Variants in CDH6 observed in about 807,000 individuals in gnomAD.
The protein encoded by CDH6 is cadherin-6.
In CDH6, 31 loss-of-function variants were observed where a neutral mutation model predicts 78.0. That is an observed-to-expected ratio of 0.40 (90% CI 0.30 to 0.54). The LOEUF (loss-of-function observed/expected upper bound fraction) is 0.54, where lower values mean the gene tolerates loss of function less well. CDH6 is among the 20% of genes least tolerant of loss of function. CDH6 has a pLI of 0.56. For synonymous variants in CDH6, 376 were observed against 368.8 expected (o/e 1.02, Z -0.23); for missense variants, 724 against 975.9 (o/e 0.74, Z 3.44).
intron 1 of CDH6, among the ~76,000 whole-genome samples, chr5:31,227,954 G>A (rs1379977549): frequency 2.6e-5 from 4 of 152,178 alleles, no homozygotes; most frequent in African/African-American, 9.7e-5. Context: ...CAGATTTATA[G>A]GTCAGAGGTC....
chr5:31,307,789 A>G (rs1738028129), intron 7 of CDH6, among the ~76,000 whole-genome samples: 1 of 152,156 alleles, frequency 6.6e-6, no homozygotes, highest in Admixed American at 6.5e-5. Flanking sequence ...AAAAGAGAGA[A>G]TGTTTTGCGA....
chr5:31,199,453 T>C (rs1216528056), intron 1 of CDH6, among the ~76,000 whole-genome samples: 2 of 22,714 alleles, frequency 8.8e-5, no homozygotes, highest in African/African-American at 1.9e-4. Flanking sequence ...TACACACACA[T>C]ATGTGTATAT....
chr5:31,311,697 C>G (rs550415043), intron 7 of CDH6, among the ~76,000 whole-genome samples: 1 of 152,298 alleles, frequency 6.6e-6, no homozygotes, highest in Admixed American at 6.5e-5. Context: ...AACTTGTAAT[C>G]ATGGCGAAAT....
intron 7 of CDH6, among the ~76,000 whole-genome samples, chr5:31,310,258 G>A (rs1738110026): frequency 6.6e-6 from 1 of 152,102 alleles, no homozygotes; most frequent in Non-Finnish European, 1.5e-5. Flanking sequence ...CAGCAGCGCA[G>A]TCGTTAAATC....
chr5:31,308,578 A>G (rs1561069185), intron 7 of CDH6, among the ~76,000 whole-genome samples: 1 of 152,120 alleles, frequency 6.6e-6, no homozygotes, highest in African/African-American at 2.4e-5. Flanking sequence ...TGGAAGGAAA[A>G]AACAACAAAC....
chr5:31,267,436 G>C lies in CDH6; in HGVS notation c.-38G>C. On this transcript the variant is annotated 5_prime_UTR_variant, in exon 2 of 12. Transcript: ENST00000265071. ...AGTGAAAAAGGCACTTCCAAGAGTG[G>C]GGCACTCACTACGCACAGACTCGAC... is the stretch of plus-strand genomic sequence containing the variant. The C allele has an allele frequency of 2.0e-6, 3 of 1,480,116 alleles. No individual in the cohort carries two copies. The highest frequency in any genetic ancestry group is 2.8e-6 in the Non-Finnish European group (3 of 1,058,806). The allele number at this position is 1,480,116 out of a possible 1,614,324, so 91.7% of individuals were successfully genotyped here. A position where few individuals can be genotyped will look rare whatever the true frequency, so the allele number is the denominator to read the frequency against.
chr5:31,282,586 A>G (rs1742891604), intron 2 of CDH6, among the ~76,000 whole-genome samples: 1 of 152,148 alleles, frequency 6.6e-6, no homozygotes, highest in South Asian at 2.1e-4. Flanking sequence ...TCTTTTTGCC[A>G]TGTGAGGAAA....
chr5:31,284,931 G>A (rs1405454375), intron 2 of CDH6, among the ~76,000 whole-genome samples: 1 of 152,176 alleles, frequency 6.6e-6, no homozygotes, highest in Non-Finnish European at 1.5e-5. Context: ...AGCAAAGCAG[G>A]AGGAGAAAGA....
intron 1 of CDH6, chr5:31,249,687 C>T (rs1176645716): frequency 2.6e-5 from 4 of 152,246 alleles, no homozygotes; most frequent in Admixed American, 1.3e-4. Context: ...CACTGGCTTC[C>T]TCTGAATCCA....
chr5:31,199,655 A>ATGTG (rs1309990298), intron 1 of CDH6, among the ~76,000 whole-genome samples: 32 of 102,516 alleles, frequency 3.1e-4, no homozygotes, highest in Non-Finnish European at 4.8e-4. Context: ...GTGTGTGTGT[A>ATGTG]TGTGTGTGTG....
At chr5:31,249,431 G>A (rs1043257032) in intron 1 of CDH6, 1 of 152,170 alleles carries the variant, frequency 6.6e-6, no homozygotes, top group Non-Finnish European at 1.5e-5. Context: ...GTGATGAAAT[G>A]AAACACGTTC....
At chr5:31,280,440 A>C (rs1160684013) in intron 2 of CDH6, among the ~76,000 whole-genome samples, 1 of 152,210 alleles carries the variant, frequency 6.6e-6, no homozygotes, top group Admixed American at 6.5e-5. Flanking sequence ...TTTGCGTGTA[A>C]GCAAACACAA....
chr5:31,292,796 T>C (rs1397589698), intron 2 of CDH6, among the ~76,000 whole-genome samples: 5 of 147,668 alleles, frequency 3.4e-5, no homozygotes, highest in African/African-American at 5.0e-5. Context: ...TGTATATATA[T>C]GTGTGTGCAT....
At chr5:31,234,179 T>C (rs1315513434) in intron 1 of CDH6, among the ~76,000 whole-genome samples, 3 of 152,348 alleles carry the variant, frequency 2.0e-5, no homozygotes, top group South Asian at 2.1e-4. Context: ...TTTTTTATTC[T>C]TTATTAACAT....
intron 3 of CDH6, 88 bp from the exon 4 acceptor site, chr5:31,297,200 AC>A (rs1333359635): frequency 8.7e-7 from 1 of 1,143,260 alleles, no homozygotes; most frequent in Non-Finnish European, 1.3e-6. Context: ...ATATTTCCAT[AC>A]AAAATTAAGA....
Position 31,327,904 on chromosome 5 carries a change from A to G in CDH6, c.*4596A>G. 1 of 216,774 alleles carries G rather than the reference A, an allele frequency of 4.6e-6. No individual in the cohort carries two copies. The highest frequency in any genetic ancestry group is 1.9e-4 in the South Asian group (1 of 5,388). The allele number at this position is 216,774 out of a possible 1,614,324, so 13.4% of individuals were successfully genotyped here. A position where few individuals can be genotyped will look rare whatever the true frequency, so the allele number is the denominator to read the frequency against. ...AGCTCATTTTTAAAGCCGGAAGTTT[A>G]TGGTCTCTGCATCGTCAATTTAATT... On this transcript the variant is annotated 3_prime_UTR_variant, in exon 12 of 12. Coordinates refer to ENST00000265071, the MANE Select transcript of CDH6 (RefSeq NM_004932.4).
intron 2 of CDH6, among the ~76,000 whole-genome samples, chr5:31,287,041 G>A (rs746007034): frequency 1.6e-4 from 24 of 152,124 alleles, no homozygotes; most frequent in Non-Finnish European, 2.2e-4. Context: ...TGTGCTGAGT[G>A]TAAGTTGTCT....
chr5:31,304,471 G>T (rs968224436), intron 6 of CDH6, among the ~76,000 whole-genome samples: 1 of 152,044 alleles, frequency 6.6e-6, no homozygotes, highest in African/African-American at 2.4e-5. Context: ...TGGATCACGA[G>T]TTCAAGAGAT....
At chr5:31,279,304 A>T (rs1742790018) in intron 2 of CDH6, among the ~76,000 whole-genome samples, 1 of 152,154 alleles carries the variant, frequency 6.6e-6, no homozygotes, top group Non-Finnish European at 1.5e-5. Flanking sequence ...ACAATGGCTC[A>T]TGTTTGTAAT....
Sources: gnomAD v4.1 joint callset for allele counts (sites outside exome capture counted in the v4.1 genomes callset) on GRCh38, gnomAD v4.1.1 for gene constraint, MANE v1.5 for transcripts, NCBI Gene and HGNC (gene_info 2026-07-23, HGNC 2026-07-21) for gene names.